PPP2R2D: variants seen among roughly 807,000 people sequenced by gnomAD.
PPP2R2D encodes the protein serine/threonine-protein phosphatase 2A 55 kDa regulatory subunit B delta isoform.
In PPP2R2D, 9 loss-of-function variants were observed where a neutral mutation model predicts 31.1. That is an observed-to-expected ratio of 0.29 (90% CI 0.17 to 0.51). The LOEUF is 0.51. PPP2R2D is among the 20% of genes least tolerant of loss of function. The pLI is 0.98. For missense variants in PPP2R2D, 391 were observed against 465.6 expected (o/e 0.84, Z 1.48); for synonymous variants, 179 against 172.6 (o/e 1.04, Z -0.29).
Position 131,953,628 on chromosome 10 carries a change from G to A in PPP2R2D, c.1083-2056G>A, listed in dbSNP as rs868978445. 1.9e-4 allele frequency among the ~76,000 whole-genome samples: 25 copies of A among 134,184 alleles called. No individual in the cohort carries two copies. In the South Asian group the frequency reaches 2.0e-3, roughly 11 times the overall value. The allele number at this position is 134,184 out of a possible 152,430, so 88.0% of individuals were successfully genotyped here. ...GGGGTTCATTGTCTTAGTGACTTGCGGGTGTGCAGGGGTTCACTGTCTTAG... is the reference window on the plus strand; with the variant it reads ...GGGGTTCATTGTCTTAGTGACTTGCAGGTGTGCAGGGGTTCACTGTCTTAG... On this transcript the variant is annotated intron_variant, in intron 8 of 8. Coordinates refer to ENST00000455566, the MANE Select transcript of PPP2R2D (RefSeq NM_018461.5).
chr10:131,948,547 T>C (rs2036582661), intron 8 of PPP2R2D, among the ~76,000 whole-genome samples: 1 of 152,176 alleles, frequency 6.6e-6, no homozygotes, highest in Non-Finnish European at 1.5e-5. Context: ...AGGTGCATAG[T>C]TGAGCTCACA....
At chr10:131,946,127 G>A (rs1407319312) in intron 7 of PPP2R2D, among the ~76,000 whole-genome samples, 6 of 152,252 alleles carry the variant, frequency 3.9e-5, no homozygotes, top group Non-Finnish European at 2.9e-5. Context: ...ATTCCCAGCT[G>A]TTGGAATGAG....
intron 2 of PPP2R2D, among the ~76,000 whole-genome samples, chr10:131,911,096 A>G (rs2035675972): frequency 6.6e-6 from 1 of 152,180 alleles, no homozygotes; most frequent in Non-Finnish European, 1.5e-5. Context: ...ACTCTGATTG[A>G]TAGCCAGTCA....
At chr10:131,915,666 T>C (rs1554892964) in intron 2 of PPP2R2D, among the ~76,000 whole-genome samples, 2 of 152,206 alleles carry the variant, frequency 1.3e-5, no homozygotes, top group African/African-American at 4.8e-5. Context: ...CAGAGGCCGA[T>C]GGGGAATTGC....
the PPP2R2D span, chr10:131,970,403 A>G: frequency 3.4e-6 from 2 of 591,266 alleles, no homozygotes; most frequent in Admixed American, 6.2e-5. The surrounding 1 kb of genome is among the most constrained non-coding windows in gnomAD (Gnocchi z 4.1). Flanking sequence ...TCAGTGAGCA[A>G]CAGGCAGACT....
chr10:131,939,478 C>T (rs1554896868), intron 3 of PPP2R2D, among the ~76,000 whole-genome samples: 10 of 59,314 alleles, frequency 1.7e-4, no homozygotes, highest in East Asian at 5.5e-4. Context: ...CTCCAGAAAA[C>T]ACGGCAGGCT....
chr10:131,901,607 C>T (rs1195173173), intron 2 of PPP2R2D, among the ~76,000 whole-genome samples: 1 of 152,120 alleles, frequency 6.6e-6, no homozygotes, highest in Non-Finnish European at 1.5e-5. Context: ...GAACCCAGCG[C>T]CTGGGGCTGC....
intron 2 of PPP2R2D, among the ~76,000 whole-genome samples, chr10:131,921,411 G>C (rs1246055589): frequency 6.6e-6 from 1 of 152,128 alleles, no homozygotes; most frequent in Admixed American, 6.5e-5. Flanking sequence ...ATTTGATGAG[G>C]GCTCTGGGAG....
the PPP2R2D span, chr10:131,968,431 G>A: frequency 2.3e-5 from 24 of 1,030,326 alleles, no homozygotes; most frequent in Admixed American, 1.3e-4. Context: ...CACAAGTGAC[G>A]TGGCCACCCC....
chr10:131,930,367 A>G, intron 2 of PPP2R2D, among the ~76,000 whole-genome samples: 1 of 152,128 alleles, frequency 6.6e-6, no homozygotes, highest in African/African-American at 2.4e-5. Flanking sequence ...ATGTCCTGAG[A>G]TTCTCCTCAC....
rs368610703 is a variant in PPP2R2D at position 131,932,646 on chromosome 10, C to CAAAAAAA, written c.101-1796_101-1790dup. On this transcript the variant is annotated intron_variant, in intron 2 of 8. Coordinates refer to ENST00000455566, the MANE Select transcript of PPP2R2D (RefSeq NM_018461.5). ...CGCGCCACTGTACTCCAGCCTGTCTCAAAAAAAAAAAAAAAAAAAAAACAC... is the reference window on the plus strand; with the variant it reads ...CGCGCCACTGTACTCCAGCCTGTCTCAAAAAAAAAAAAAAAAAAAAAAAAAAAAACAC... Among the ~76,000 whole-genome samples the CAAAAAAA allele has an allele frequency of 6.5e-3, 378 of 57,824 alleles. 8 individuals are homozygous for CAAAAAAA. The highest frequency in any genetic ancestry group is 0.018 in the African/African-American group (264 of 14,410). 37.9% of individuals were successfully genotyped at this position (57,824 alleles called of 152,430 possible). A position where few individuals can be genotyped will look rare whatever the true frequency, so the allele number is the denominator to read the frequency against.
chr10:131,925,809 G>A (rs868946344), intron 2 of PPP2R2D, among the ~76,000 whole-genome samples: 1 of 152,192 alleles, frequency 6.6e-6, no homozygotes, highest in African/African-American at 2.4e-5. Context: ...AGCAAAGATA[G>A]GGATTCTCCA....
rs1438799810 is a variant in PPP2R2D at position 131,901,045 on chromosome 10, C to CG, written c.-103dup. ...CCGGCGGCGGCGGCGGCGGCGGCGG[C>CG]GCCGGCGGTGGTGGCGGCCCCGGGG... On this transcript the variant is annotated 5_prime_UTR_variant, in exon 1 of 9. Coordinates refer to ENST00000455566, the MANE Select transcript of PPP2R2D (RefSeq NM_018461.5). The CG allele has an allele frequency of 9.9e-5, 16 of 161,038 alleles. No individual in the cohort carries two copies. The East Asian group carries it at 1.3e-3, about 13-fold the overall frequency. The allele number at this position is 161,038 out of a possible 1,614,324, so 10.0% of individuals were successfully genotyped here. A position where few individuals can be genotyped will look rare whatever the true frequency, so the allele number is the denominator to read the frequency against.
chr10:131,964,685 T>G (rs1021990989), downstream of PPP2R2D, among the ~76,000 whole-genome samples: 2 of 143,078 alleles, frequency 1.4e-5, no homozygotes, highest in East Asian at 2.0e-4. Context: ...TTTTTTTTTT[T>G]GTCACTTTAA....
the PPP2R2D span, chr10:131,970,584 C>T: frequency 6.3e-7 from 1 of 1,589,668 alleles, no homozygotes; most frequent in Non-Finnish European, 8.6e-7. The surrounding 1 kb of genome is among the most constrained non-coding windows in gnomAD (Gnocchi z 4.1). Flanking sequence ...TCACTGCAAC[C>T]CAGAATCGCC....
At position 131,956,450 on chromosome 10, in the gene PPP2R2D, C is replaced by A; in HGVS notation, c.*487C>A. ...TGTGGATGTGTGGATGTGGCCCGAG[C>A]AGGCTCAGGCGGCCCCACTCACCCA... On this transcript the variant is annotated 3_prime_UTR_variant, in exon 9 of 9. Coordinates refer to ENST00000455566, the MANE Select transcript of PPP2R2D (RefSeq NM_018461.5). The A allele has an allele frequency of 2.0e-6, 2 of 985,688 alleles. No homozygotes were observed. The highest frequency in any genetic ancestry group is 4.7e-5 in the South Asian group (1 of 21,282). 61.1% of individuals were successfully genotyped at this position (985,688 alleles called of 1,614,324 possible).
rs782045893 is a variant in PPP2R2D, at chr10:131,956,400, C to T, written c.*437C>T. On this transcript the variant is annotated 3_prime_UTR_variant, in exon 9 of 9. Transcript: ENST00000455566. ...GTGGCCACCGTCCGTGTCCTCTCGG[C>T]CTTCCTCCGAGTCCAGGTGGACTCT... The T allele has an allele frequency of 6.6e-5, 65 of 986,036 alleles. No individual in the cohort carries two copies. Among genetic ancestry groups the T allele is most frequent in the Middle Eastern group, 5.2e-4 (1 of 1,940 alleles). 61.1% of individuals were successfully genotyped at this position (986,036 alleles called of 1,614,324 possible). A position where few individuals can be genotyped will look rare whatever the true frequency, so the allele number is the denominator to read the frequency against.
intron 2 of PPP2R2D, among the ~76,000 whole-genome samples, chr10:131,907,743 CAAA>C (rs36197827): frequency 4.4e-5 from 5 of 113,712 alleles, no homozygotes; most frequent in South Asian, 2.7e-4. Context: ...GACTCCATAT[CAAA>C]AAAAAAAAAA....
chr10:131,933,261 G>A (rs1326686161), intron 2 of PPP2R2D, among the ~76,000 whole-genome samples: 7 of 152,168 alleles, frequency 4.6e-5, no homozygotes, highest in Non-Finnish European at 8.8e-5. Flanking sequence ...CGATTAAAAC[G>A]CCTTTGCAGA....
Sources: gnomAD v4.1 joint callset for allele counts (sites outside exome capture counted in the v4.1 genomes callset) on GRCh38, gnomAD v4.1.1 for gene constraint, Gnocchi (gnomAD v3.1) non-coding constraint, MANE v1.5 for transcripts, NCBI Gene and HGNC (gene_info 2026-07-23, HGNC 2026-07-21) for gene names.